The following SRBD1 variants were observed in gnomAD, a reference collection of about 807,000 sequenced individuals.
The protein encoded by SRBD1 is S1 RNA binding domain 1, also known as S1 RNA-binding domain-containing protein 1.
Under a neutral mutation model 115.3 loss-of-function variants are expected in SRBD1, and 88 were observed. The observed-to-expected ratio is 0.76, with a 90% CI of 0.64 to 0.91. The LOEUF (loss-of-function observed/expected upper bound fraction) is 0.91. Ranked by LOEUF, SRBD1 falls within the 40% of genes least tolerant of loss-of-function variation. The pLI is 0.00. For synonymous variants in SRBD1, 509 were observed against 407.7 expected (o/e 1.25, Z -2.99); for missense variants, 1,385 against 1,177.4 (o/e 1.18, Z -2.58).
chr2:45,460,509 C>T (rs1280491484), intron 16 of SRBD1, among the ~76,000 whole-genome samples: 1 of 152,016 alleles, frequency 6.6e-6, no homozygotes, highest in Non-Finnish European at 1.5e-5. Flanking sequence ...CTGAGGAAGG[C>T]AGGGAAGAGC....
intron 12 of SRBD1, among the ~76,000 whole-genome samples, chr2:45,548,071 T>C (rs1672178803): frequency 6.6e-6 from 1 of 151,508 alleles, no homozygotes; most frequent in Non-Finnish European, 1.5e-5. Flanking sequence ...TGAAAATATT[T>C]ATAACAATTA....
chr2:45,597,894 C>G lies in SRBD1; in HGVS notation c.648+1555G>C, dbSNP rs186880617. ...ATAAGTAGCTCTTTACTACGAATAA[C>G]TTATTACCAAGTCTCAAAGACCAGA... On this transcript the variant is annotated intron_variant, in intron 4 of 20. Transcript: ENST00000263736. Among the ~76,000 whole-genome samples the G allele has an allele frequency of 2.5e-3, 381 of 152,324 alleles. 2 individuals are homozygous for G. Among genetic ancestry groups the G allele is most frequent in the Non-Finnish European group, 4.7e-3 (323 of 68,032 alleles).
intron 16 of SRBD1, among the ~76,000 whole-genome samples, chr2:45,425,827 G>T (rs1214585612): frequency 6.6e-6 from 1 of 152,148 alleles, no homozygotes; most frequent in Non-Finnish European, 1.5e-5. Flanking sequence ...CAAATACTAC[G>T]CTTTTCCCGT....
chr2:45,492,000 T>A (rs1448140537), intron 14 of SRBD1, among the ~76,000 whole-genome samples: 1 of 152,122 alleles, frequency 6.6e-6, no homozygotes, highest in Non-Finnish European at 1.5e-5. Flanking sequence ...TTTTGTATTT[T>A]TAATAGAGAC....
chr2:45,442,068 T>C (rs948927550), intron 16 of SRBD1, among the ~76,000 whole-genome samples: 1 of 152,198 alleles, frequency 6.6e-6, no homozygotes, highest in African/African-American at 2.4e-5. Context: ...GCTTCAAACA[T>C]GAACTAAAGT....
At chr2:45,456,166 A>T (rs1669146573) in intron 16 of SRBD1, among the ~76,000 whole-genome samples, 1 of 151,930 alleles carries the variant, frequency 6.6e-6, no homozygotes, top group South Asian at 2.1e-4. Flanking sequence ...ACTTCTGCTT[A>T]TTTCATTTTC....
chr2:45,454,381 G>A (rs1669089772), intron 16 of SRBD1, among the ~76,000 whole-genome samples: 1 of 151,782 alleles, frequency 6.6e-6, no homozygotes, highest in Non-Finnish European at 1.5e-5. Context: ...CCCTTTGTGA[G>A]TAGAAGTGTA....
Position 45,430,241 on chromosome 2 carries a change from TC to T in SRBD1, c.2050-10348del, listed in dbSNP as rs1156607889. On this transcript the variant is annotated intron_variant, in intron 16 of 20. Transcript: ENST00000263736. The stretch of plus-strand genomic sequence containing the variant: ...TAAGTAATTTATAGATTCAATGCTA[TC>T]CCCCCCATCAAGCTACCACTGACTT... Among the ~76,000 whole-genome samples the T allele has an allele frequency of 4.0e-5, 6 of 151,644 alleles. No homozygotes were observed. In the East Asian group the frequency reaches 5.8e-4, roughly 15 times the overall value.
At chr2:45,461,924 G>A (rs1055514000) in intron 16 of SRBD1, among the ~76,000 whole-genome samples, 6 of 152,074 alleles carry the variant, frequency 3.9e-5, no homozygotes, top group South Asian at 2.1e-4. Context: ...CTAACGTGTC[G>A]ATCCTCCTCC....
At chr2:45,609,752 G>A (rs925746910) in intron 1 of SRBD1, among the ~76,000 whole-genome samples, 2 of 152,100 alleles carry the variant, frequency 1.3e-5, no homozygotes, top group Admixed American at 6.5e-5. Flanking sequence ...GCCTAAAATA[G>A]GTTTCTCAAT....
At chr2:45,488,612 T>C (rs1168743646) in intron 14 of SRBD1, among the ~76,000 whole-genome samples, 1 of 152,218 alleles carries the variant, frequency 6.6e-6, no homozygotes, top group Non-Finnish European at 1.5e-5. Context: ...AGATGGTTTA[T>C]AGATTAATAC....
chr2:45,416,277 AC>A (rs143892436), intron 18 of SRBD1, among the ~76,000 whole-genome samples: 52,159 of 151,838 alleles, frequency 0.34, 9,881 homozygotes, highest in Non-Finnish European at 0.44. Context: ...ATTAAAAAAA[AC>A]AGGCATATAC....
chr2:45,468,972 A>G (rs1669571625), intron 16 of SRBD1, among the ~76,000 whole-genome samples: 1 of 152,168 alleles, frequency 6.6e-6, no homozygotes, highest in South Asian at 2.1e-4. Flanking sequence ...GGTAAGAGAG[A>G]GAAATTTTTT....
At chr2:45,446,840 T>C (rs1416789878) in intron 16 of SRBD1, among the ~76,000 whole-genome samples, 1 of 152,118 alleles carries the variant, frequency 6.6e-6, no homozygotes, top group Non-Finnish European at 1.5e-5. Context: ...AAAGAATGGA[T>C]GCAAAGAAAT....
chr2:45,486,505 A>G (rs1290468266), intron 15 of SRBD1, among the ~76,000 whole-genome samples: 1 of 152,082 alleles, frequency 6.6e-6, no homozygotes, highest in African/African-American at 2.4e-5. Flanking sequence ...AGGTGGGTGG[A>G]TCATGAGGTC....
chr2:45,466,403 A>G (rs7603983), intron 16 of SRBD1, among the ~76,000 whole-genome samples: 3,244 of 151,550 alleles, frequency 0.021, 34 homozygotes, highest in Middle Eastern at 0.054. Context: ...TCAACTTCTC[A>G]CTCTCCACTT....
intron 16 of SRBD1, among the ~76,000 whole-genome samples, chr2:45,471,801 T>C (rs923427374): frequency 3.3e-5 from 5 of 152,122 alleles, no homozygotes; most frequent in Non-Finnish European, 5.9e-5. Flanking sequence ...TCTTTACATA[T>C]TTTATGTAAA....
intron 19 of SRBD1, among the ~76,000 whole-genome samples, chr2:45,412,747 C>G (rs1197795246): frequency 1.3e-5 from 2 of 152,130 alleles, no homozygotes; most frequent in African/African-American, 4.8e-5. Context: ...ATTAAGAAAG[C>G]TGAGTTGGTT....
rs147621433 is a variant in SRBD1 at position 45,451,672 on chromosome 2, A to G, written c.2049+25321T>C. ...ACTTAGAAAGTGGTAAAGCACAAAT[A>G]TCCTCCAAACTTTTTTTTTTTTTTA... On this transcript the variant is annotated intron_variant, in intron 16 of 20. Coordinates refer to ENST00000263736, the MANE Select transcript of SRBD1 (RefSeq NM_018079.5). Among the ~76,000 whole-genome samples the G allele has an allele frequency of 1.0e-3, 154 of 150,010 alleles. 3 individuals are homozygous for G. The East Asian group carries it at 0.022, about 22-fold the overall frequency.
Sources: gnomAD v4.1 joint callset for allele counts (sites outside exome capture counted in the v4.1 genomes callset) on GRCh38, gnomAD v4.1.1 for gene constraint, MANE v1.5 for transcripts, NCBI Gene and HGNC (gene_info 2026-07-23, HGNC 2026-07-21) for gene names.